DGLUCY: variants seen among roughly 807,000 people sequenced by gnomAD.
The protein encoded by DGLUCY is D-glutamate cyclase.
In DGLUCY, 58 loss-of-function variants were observed where a neutral mutation model predicts 58.5. The observed-to-expected ratio is 0.99, with a 90% CI of 0.80 to 1.23. The LOEUF is 1.23. DGLUCY is among the 50% of genes most tolerant of loss of function. The probability of loss-of-function intolerance (pLI) is 0.00; values close to 1 mark genes in which losing one functional copy is unlikely to be tolerated. For synonymous variants in DGLUCY, 325 were observed against 314.1 expected (o/e 1.03, Z -0.37); for missense variants, 779 against 784.7 (o/e 0.99, Z 0.09).
intron 1 of DGLUCY, among the ~76,000 whole-genome samples, chr14:91,150,501 G>A (rs1322897907): frequency 6.6e-6 from 1 of 152,078 alleles, no homozygotes; most frequent in South Asian, 2.1e-4. Flanking sequence ...GAGTGCAGTG[G>A]TGCAATCGTG....
intron 1 of DGLUCY, among the ~76,000 whole-genome samples, chr14:91,093,496 T>C (rs145615063): frequency 1.3e-5 from 2 of 152,294 alleles, no homozygotes; most frequent in African/African-American, 4.8e-5. Context: ...CAAAACATTA[T>C]GCTACCTGGG....
intron 1 of DGLUCY, among the ~76,000 whole-genome samples, chr14:91,085,262 C>G (rs2044194108): frequency 6.6e-6 from 1 of 151,066 alleles, no homozygotes; most frequent in African/African-American, 2.4e-5. Flanking sequence ...CTGTTGATTG[C>G]TCTCTCCGCT....
chr14:91,205,093 T>C (rs1315167903), intron 12 of DGLUCY, among the ~76,000 whole-genome samples: 4 of 152,158 alleles, frequency 2.6e-5, no homozygotes, highest in Non-Finnish European at 1.5e-5. Context: ...AGATAGAGAA[T>C]GAGCCCTGAC....
intron 13 of DGLUCY, among the ~76,000 whole-genome samples, chr14:91,219,240 T>TAA (rs1260974954): frequency 1.3e-5 from 2 of 152,054 alleles, no homozygotes; most frequent in Non-Finnish European, 1.5e-5. Flanking sequence ...AAACAGTGCT[T>TAA]AGCTCAGCAA....
At chr14:91,175,799 C>T (rs1263537210) in intron 6 of DGLUCY, 135 bp from the exon 7 acceptor site, 2 of 1,014,732 alleles carry the variant, frequency 2.0e-6, no homozygotes, top group African/African-American at 1.6e-5. Flanking sequence ...TTCTCCTTCA[C>T]CTCTTCCTCA....
chr14:91,086,902 C>T (rs903661055), intron 1 of DGLUCY, among the ~76,000 whole-genome samples: 40 of 152,140 alleles, frequency 2.6e-4, no homozygotes, highest in African/African-American at 9.4e-4. Flanking sequence ...CAGGTGCGCA[C>T]CACCACACCT....
At chr14:91,143,830 G>A (rs922253552) in intron 1 of DGLUCY, among the ~76,000 whole-genome samples, 2 of 152,186 alleles carry the variant, frequency 1.3e-5, no homozygotes, top group Non-Finnish European at 2.9e-5. Flanking sequence ...CCAGAGAAGT[G>A]TAGGGATTCC....
chr14:91,203,858 G>A (rs557917561), intron 11 of DGLUCY, among the ~76,000 whole-genome samples: 1 of 152,068 alleles, frequency 6.6e-6, no homozygotes, highest in Non-Finnish European at 1.5e-5. Flanking sequence ...TGTATTTTTA[G>A]TAGAGGCAAG....
At chr14:91,089,222 T>A (rs564349308) in intron 1 of DGLUCY, among the ~76,000 whole-genome samples, 30 of 152,266 alleles carry the variant, frequency 2.0e-4, no homozygotes, top group Admixed American at 7.2e-4. Context: ...TCTGAGAAAG[T>A]CAGGGTTCTT....
chr14:91,075,684 G>A (rs970313909), intron 1 of DGLUCY, among the ~76,000 whole-genome samples: 1 of 152,178 alleles, frequency 6.6e-6, no homozygotes, highest in Non-Finnish European at 1.5e-5. Context: ...TTGACCAAAT[G>A]CGTCTTATAA....
intron 1 of DGLUCY, among the ~76,000 whole-genome samples, chr14:91,074,769 G>A (rs2043991078): frequency 6.6e-6 from 1 of 152,146 alleles, no homozygotes; most frequent in Admixed American, 6.6e-5. Context: ...GAGGCAAAAT[G>A]TTTATAAGAA....
intron 8 of DGLUCY, among the ~76,000 whole-genome samples, chr14:91,187,565 G>T (rs143332269): frequency 1.3e-5 from 2 of 152,220 alleles, no homozygotes; most frequent in African/African-American, 4.8e-5. Context: ...CCTCTGGGCT[G>T]CCTGGGTTCA....
chr14:91,176,894 G>C (rs991193671), intron 7 of DGLUCY, among the ~76,000 whole-genome samples: 2 of 152,118 alleles, frequency 1.3e-5, no homozygotes, highest in African/African-American at 4.8e-5. Flanking sequence ...GAGCCACCGT[G>C]TCCAGCCTCA....
intron 1 of DGLUCY, among the ~76,000 whole-genome samples, chr14:91,085,111 A>G (rs2044190453): frequency 6.6e-6 from 1 of 150,858 alleles, no homozygotes; most frequent in African/African-American, 2.4e-5. Flanking sequence ...CGTTCCTGCT[A>G]CTCTGGAGGC....
intron 10 of DGLUCY, among the ~76,000 whole-genome samples, chr14:91,196,718 T>C (rs1210206229): frequency 7.3e-6 from 1 of 137,820 alleles, no homozygotes; most frequent in Non-Finnish European, 1.5e-5. Context: ...ACAGCATATC[T>C]TCCTGATAGA....
chr14:91,173,126 C>G (rs2048664298), intron 5 of DGLUCY, among the ~76,000 whole-genome samples, 163 bp from the exon 6 acceptor site: 1 of 152,148 alleles, frequency 6.6e-6, no homozygotes, highest in South Asian at 2.1e-4. Flanking sequence ...CAGTAATTAA[C>G]AGCAAACTCC....
At chr14:91,102,743 A>ATATGTGTG (rs1555391100) in intron 1 of DGLUCY, among the ~76,000 whole-genome samples, 3 of 130,586 alleles carry the variant, frequency 2.3e-5, no homozygotes, top group Admixed American at 7.8e-5. Context: ...TCCAGTGTGT[A>ATATGTGTG]TGTGTGTGTG....
chr14:91,178,276 C>T (rs2048978137), intron 7 of DGLUCY, among the ~76,000 whole-genome samples: 1 of 152,124 alleles, frequency 6.6e-6, no homozygotes. Context: ...AGCAATCCTC[C>T]CACCTGAGCC....
chr14:91,189,176 C>T lies in DGLUCY; in HGVS notation c.1195+6C>T. The T allele has an allele frequency of 6.2e-7, 1 of 1,613,910 alleles. No individual in the cohort carries two copies. The highest frequency in any genetic ancestry group is 8.5e-7 in the Non-Finnish European group (1 of 1,179,790). On this transcript the variant is annotated splice_donor_region_variant and intron_variant, in intron 9 of 13. Transcript: ENST00000256324. The stretch of plus-strand genomic sequence containing the variant: ...TGAAGATGCTGTTGAGCAAGGTAAG[C>T]AGTGAGATGGGCTTGGTCCATTTCC...
Sources: allele counts gnomAD v4.1 joint callset (sites outside exome capture counted in the v4.1 genomes callset), GRCh38; gene constraint gnomAD v4.1.1; transcripts MANE v1.5; gene names NCBI Gene and HGNC (gene_info 2026-07-23, HGNC 2026-07-21).